The following TAF8 variants were observed in gnomAD, a reference collection of about 807,000 sequenced individuals.
TAF8 encodes the protein TATA-box binding protein associated factor 8, also known as transcription initiation factor TFIID subunit 8.
In TAF8, 47 loss-of-function variants were observed where a neutral mutation model predicts 36.5. That is an observed-to-expected ratio of 1.29 (90% CI 1.02 to 1.64). TAF8 has a LOEUF of 1.64. TAF8 is among the 40% of genes most tolerant of loss of function. The pLI is 0.00. For missense variants in TAF8, 420 were observed against 407.6 expected (o/e 1.03, Z -0.26); for synonymous variants, 175 against 159.5 (o/e 1.10, Z -0.73).
chr6:42,053,450 A>G (rs959000230), intron 2 of TAF8, among the ~76,000 whole-genome samples: 1 of 151,980 alleles, frequency 6.6e-6, no homozygotes, highest in African/African-American at 2.4e-5. Flanking sequence ...CTGTAATTAC[A>G]GCTACTCGGG....
rs749760001 is a variant in TAF8, at chr6:42,057,414, C to T, written c.390C>T (p.Thr130=). 6.2e-7 allele frequency: 1 copy of T among 1,614,030 alleles called. No homozygotes were observed. Among genetic ancestry groups the T allele is most frequent in the East Asian group, 2.2e-5 (1 of 44,876 alleles). The change falls in exon 5 of 9, where the codon ACC becomes ACT. Residue 130 remains threonine, a synonymous_variant. Coordinates refer to ENST00000372977, the MANE Select transcript of TAF8 (RefSeq NM_138572.3). ...CTCCGGTGACCAATCAGCCAGTGAC[C>T]CCCAAGGCCCTCACTGCAGGGCAGA... The part of the protein sequence containing the change: ...TAPPVTNQPV[T]PKALTAGQNR...
chr6:42,064,888 CGGAG>C (rs60317962), intron 5 of TAF8, among the ~76,000 whole-genome samples: 106,080 of 143,254 alleles, frequency 0.74, 39,116 homozygotes, highest in East Asian at 0.83. Flanking sequence ...ACCCGGGGGG[CGGAG>C]CTTGCAGTGA....
At position 42,081,718 on chromosome 6, in the gene TAF8, A is replaced by T. The variant is rs1765932380; in HGVS notation, c.*4173A>T. The T allele has an allele frequency of 6.6e-6, 1 of 151,808 alleles. No homozygotes were observed. Among genetic ancestry groups the T allele is most frequent in the Non-Finnish European group, 1.5e-5 (1 of 67,950 alleles). 9.4% of individuals were successfully genotyped at this position (151,808 alleles called of 1,614,324 possible). A position where few individuals can be genotyped will look rare whatever the true frequency, so the allele number is the denominator to read the frequency against. ...GATGGGGTTTCACCATGTTGGCCAG[A>T]CTGGTCTCCAACTCCTGACCTCAGG... On this transcript the variant is annotated 3_prime_UTR_variant, in exon 9 of 9. Transcript: ENST00000372977.
Position 42,078,860 on chromosome 6 carries a change from G to A in TAF8, c.*1315G>A, listed in dbSNP as rs142065218. On this transcript the variant is annotated 3_prime_UTR_variant, in exon 9 of 9. Transcript: ENST00000372977. The stretch of plus-strand genomic sequence containing the variant: ...AGAGGGGCTACGCGCAGTGGCTCAC[G>A]CCTGTAATCCCAGCACTTCGGGAGG... The A allele has an allele frequency of 6.0e-4, 593 of 985,120 alleles. 6 individuals are homozygous for A. The African/African-American group carries it at 9.5e-3, about 16-fold the overall frequency. The allele number at this position is 985,120 out of a possible 1,614,324, so 61.0% of individuals were successfully genotyped here. A position where few individuals can be genotyped will look rare whatever the true frequency, so the allele number is the denominator to read the frequency against.
At chr6:42,066,271 A>G in intron 5 of TAF8, 41 bp from the exon 6 acceptor site, 1 of 1,608,224 alleles carries the variant, frequency 6.2e-7, no homozygotes, top group East Asian at 2.2e-5. Flanking sequence ...GCAGAATGAT[A>G]CTTCGGCATC....
chr6:42,051,646 T>C (rs1764795363), intron 2 of TAF8, 133 bp downstream of exon 2: 4 of 1,046,856 alleles, frequency 3.8e-6, no homozygotes, highest in Non-Finnish European at 4.0e-6. Flanking sequence ...TTTTTTTTAA[T>C]GTAAAAAGTT....
downstream of TAF8, among the ~76,000 whole-genome samples, chr6:42,084,503 A>C (rs539781039): frequency 1.3e-5 from 2 of 152,212 alleles, no homozygotes; most frequent in African/African-American, 4.8e-5. Flanking sequence ...TCGCTCAGTC[A>C]CCAGGCTGGA....
At chr6:42,072,767 G>A (rs1259404091) in intron 7 of TAF8, among the ~76,000 whole-genome samples, 1 of 151,756 alleles carries the variant, frequency 6.6e-6, no homozygotes. Flanking sequence ...CTGTCACCCA[G>A]GCTGCAGTGC....
chr6:42,057,548 A>G lies in TAF8; in HGVS notation c.489+35A>G, dbSNP rs765201223. On this transcript the variant is annotated intron_variant, in intron 5 of 8. Transcript: ENST00000372977. Reference sequence around the variant, plus strand: ...GAAGCACTGGGACTGCGCGTGGTGTAAAGCACGGAGTCAGTTCCTACTGAC... The same window carrying G: ...GAAGCACTGGGACTGCGCGTGGTGTGAAGCACGGAGTCAGTTCCTACTGAC... 6 of 1,612,630 alleles carry G rather than the reference A, an allele frequency of 3.7e-6. No homozygotes were observed. In the African/African-American group the frequency reaches 8.0e-5, roughly 22 times the overall value.
Position 42,080,274 on chromosome 6 carries a change from C to G in TAF8, c.*2729C>G. The G allele has an allele frequency of 1.0e-6, 1 of 985,950 alleles. No individual in the cohort carries two copies. Among genetic ancestry groups the G allele is most frequent in the African/African-American group, 1.7e-5 (1 of 57,316 alleles). 61.1% of individuals were successfully genotyped at this position (985,950 alleles called of 1,614,324 possible). A position where few individuals can be genotyped will look rare whatever the true frequency, so the allele number is the denominator to read the frequency against. On this transcript the variant is annotated 3_prime_UTR_variant, in exon 9 of 9. Coordinates refer to ENST00000372977, the MANE Select transcript of TAF8 (RefSeq NM_138572.3). ...TGTTGTTGTTATCCAGTGTAAGCAC[C>G]TGTTGAATGCAGATGTGCTGAGTTA...
intron 6 of TAF8, among the ~76,000 whole-genome samples, chr6:42,068,110 G>T (rs1341328014): frequency 6.6e-6 from 1 of 152,174 alleles, no homozygotes; most frequent in African/African-American, 2.4e-5. Flanking sequence ...CTTATGTGTT[G>T]CTAGGATTCT....
downstream of TAF8, chr6:42,086,703 A>C: frequency 6.4e-7 from 1 of 1,551,030 alleles, no homozygotes. Context: ...GGTTTTTTTC[A>C]CCCTACGTTC....
intron 7 of TAF8, among the ~76,000 whole-genome samples, chr6:42,070,948 C>G (rs892200956): frequency 1.3e-5 from 2 of 152,090 alleles, no homozygotes; most frequent in African/African-American, 4.8e-5. Context: ...AGGAGGTGTT[C>G]TAGTCCTAGT....
intron 2 of TAF8, among the ~76,000 whole-genome samples, chr6:42,054,642 TGTGTCTCCCAGGCTGGAGTGCAGTG>T (rs536379796): frequency 3.1e-4 from 47 of 152,316 alleles, no homozygotes; most frequent in Middle Eastern, 3.4e-3. Context: ...GGAGTCTCGC[TGTGTCTCCCAGGCTGGAGTGCAGTG>T]GTGCCATCTC....
At chr6:42,071,079 G>A (rs936660540) in intron 7 of TAF8, among the ~76,000 whole-genome samples, 13 of 152,136 alleles carry the variant, frequency 8.5e-5, no homozygotes, top group Admixed American at 3.3e-4. Context: ...TCGCAGAACC[G>A]CCAGAAGCTG....
intron 7 of TAF8, chr6:42,071,330 T>G (rs1582239021): frequency 8.1e-6 from 1 of 123,536 alleles, no homozygotes; most frequent in African/African-American, 3.7e-5. Flanking sequence ...TTTTTTTTTT[T>G]TTTTTTTTTT....
chr6:42,055,549 G>A lies in TAF8; in HGVS notation c.221G>A (p.Arg74Lys). 1 of 1,613,994 alleles carries A rather than the reference G, an allele frequency of 6.2e-7. No homozygotes were observed. Among genetic ancestry groups the A allele is most frequent in the Non-Finnish European group, 8.5e-7 (1 of 1,179,830 alleles). ...CTCTTAGACATTTCAGAAATTGGGA[G>A]AAGTGCCAAGTCTTACTGTGAGCAC... ...MLQSYISEIG[R>K]SAKSYCEHTA... The change falls in exon 3 of 9, where the codon AGA (arginine) becomes AAA (lysine). Residue 74 changes from arginine (R) to lysine (K), a missense_variant. Arg to Lys is a conservative substitution (Grantham distance 26). Transcript: ENST00000372977.
intron 5 of TAF8, among the ~76,000 whole-genome samples, chr6:42,060,034 G>A (rs1180124423): frequency 1.3e-5 from 2 of 152,182 alleles, no homozygotes; most frequent in African/African-American, 2.4e-5. Context: ...CTGGCTAGGC[G>A]TTCATGGCTT....
chr6:42,072,692 A>G (rs1159570386), intron 7 of TAF8, among the ~76,000 whole-genome samples: 1 of 151,240 alleles, frequency 6.6e-6, no homozygotes, highest in Non-Finnish European at 1.5e-5. Flanking sequence ...ATTTACAGAC[A>G]TTGTTATAGC....
Sources: gnomAD v4.1 joint callset for allele counts (sites outside exome capture counted in the v4.1 genomes callset) on GRCh38, gnomAD v4.1.1 for gene constraint, MANE v1.5 for transcripts, NCBI Gene and HGNC (gene_info 2026-07-23, HGNC 2026-07-21) for gene names.